NRIP1: variants seen among roughly 807,000 people sequenced by gnomAD.
NRIP1 encodes nuclear receptor-interacting protein 1.
Under a neutral mutation model 75.0 loss-of-function variants are expected in NRIP1, and 28 were observed. That is an observed-to-expected ratio of 0.37 (90% confidence interval 0.28 to 0.51). NRIP1 has a LOEUF of 0.51. Ranked by LOEUF, NRIP1 falls within the 20% of genes least tolerant of loss-of-function variation. NRIP1 has a pLI of 0.92. For missense variants in NRIP1, 1,435 were observed against 1,343.7 expected (o/e 1.07, Z -1.06); for synonymous variants, 526 against 487.6 (o/e 1.08, Z -1.04).
At chr21:15,016,777 C>A (rs1049516232) in intron 2 of NRIP1, among the ~76,000 whole-genome samples, 1 of 151,916 alleles carries the variant, frequency 6.6e-6, no homozygotes, top group East Asian at 1.9e-4. Context: ...CCCAGCTACT[C>A]GGGAGGCTGA....
At chr21:14,986,770 A>G (rs2087416785) in intron 3 of NRIP1, among the ~76,000 whole-genome samples, 1 of 152,220 alleles carries the variant, frequency 6.6e-6, no homozygotes, top group Non-Finnish European at 1.5e-5. Context: ...CTAACGACTT[A>G]AACTAAACTT....
In NRIP1 at chr21:14,964,771, C is replaced by T. The variant is rs1417246534; in HGVS notation, c.3422G>A (p.Gly1141Glu). The change falls in exon 4 of 4, where the codon GGA becomes GAA. Residue 1141 changes from glycine (G) to glutamate (E), a missense_variant. Coordinates refer to ENST00000318948, the MANE Select transcript of NRIP1 (RefSeq NM_003489.4). The part of the protein sequence containing the change: ...NNASRPHSAN[G>E]EVYGLLGSVL... The stretch of plus-strand genomic sequence containing the variant: ...GCTTCCCAGAAGTCCATAAACTTCT[C>T]CATTTGCGCTGTGTGGGCGAGAAGC... The T allele has an allele frequency of 6.3e-7, 1 of 1,591,940 alleles. No individual in the cohort carries two copies. The highest frequency in any genetic ancestry group is 8.5e-7 in the Non-Finnish European group (1 of 1,173,368).
At chr21:15,053,397 G>A (rs867155476) in intron 1 of NRIP1, among the ~76,000 whole-genome samples, 28 of 152,168 alleles carry the variant, frequency 1.8e-4, no homozygotes, top group Non-Finnish European at 2.9e-4. Flanking sequence ...CAACTACCAG[G>A]AACTTTAGTT....
chr21:15,017,615 CAA>C (rs1214145663), intron 2 of NRIP1, among the ~76,000 whole-genome samples: 1 of 152,076 alleles, frequency 6.6e-6, no homozygotes, highest in African/African-American at 2.4e-5. Flanking sequence ...CCCCAAATCA[CAA>C]AGTCAATAAG....
At position 14,967,449 on chromosome 21, in the gene NRIP1, T is replaced by G. The variant is rs1182060876; in HGVS notation, c.744A>C (p.Glu248Asp). ...ARLQAVASMV[E>D]KRASPATSPK... ...GTGAGGTGGCAGGACTAGCCCTTTT[T>G]TCCACCATGCTTGCAACAGCCTGTA... The change falls in exon 4 of 4, where the codon GAA becomes GAC. Residue 248 changes from glutamate (E) to aspartate (D), a missense_variant. Transcript: ENST00000318948. 46 of 1,613,920 alleles carry G rather than the reference T, an allele frequency of 2.9e-5. No individual in the cohort carries two copies. The Admixed American group carries it at 7.5e-4, about 26-fold the overall frequency.
At chr21:14,972,052 GTGGAGAGGCTGCCTCAGGTGACACAGCA>G (rs2086915648) in intron 3 of NRIP1, among the ~76,000 whole-genome samples, 2 of 152,130 alleles carry the variant, frequency 1.3e-5, no homozygotes, top group African/African-American at 4.8e-5. Flanking sequence ...TTGTGGTCAC[GTGGAGAGGCTGCCTCAGGTGACACAGCA>G]GCAACACCTA....
intron 3 of NRIP1, among the ~76,000 whole-genome samples, chr21:14,988,492 T>C (rs2087471495): frequency 8.2e-6 from 1 of 122,320 alleles, no homozygotes; most frequent in South Asian, 2.4e-4. Context: ...ATAGATAGTA[T>C]ATATATATGT....
Position 14,965,662 on chromosome 21 carries a change from A to G in NRIP1, c.2531T>C (p.Met844Thr). 6.2e-7 allele frequency: 1 copy of G among 1,613,352 alleles called. No individual in the cohort carries two copies. Among genetic ancestry groups the G allele is most frequent in the Non-Finnish European group, 8.5e-7 (1 of 1,179,924 alleles). Residue 844 changes from methionine to threonine, a missense_variant, in exon 4 of 4, where the codon ATG becomes ACG. Met to Thr is a moderately conservative substitution (Grantham distance 81, BLOSUM62 -1). Transcript: ENST00000318948. ...DSDRSHRNNEMALLESKNLCM... is the reference protein window; with the variant it reads ...DSDRSHRNNETALLESKNLCM... ...AAGATTCTTTGATTCTAGAAGTGCC[A>G]TTTCATTATTTCTGTGACTCCTGTC... is the stretch of plus-strand genomic sequence containing the variant.
At chr21:14,991,843 T>C (rs1237750021) in intron 3 of NRIP1, among the ~76,000 whole-genome samples, 2 of 152,188 alleles carry the variant, frequency 1.3e-5, no homozygotes, top group African/African-American at 4.8e-5. Flanking sequence ...TGATAAAGAT[T>C]TGTCAAAAGA....
intron 3 of NRIP1, among the ~76,000 whole-genome samples, chr21:15,009,647 C>A (rs573154702): frequency 1.3e-5 from 2 of 152,194 alleles, no homozygotes; most frequent in East Asian, 3.9e-4. Context: ...TAAGCCCAGT[C>A]CAGGAAGCAC....
chr21:14,987,872 T>C (rs2087450312), intron 3 of NRIP1: 1 of 152,208 alleles, frequency 6.6e-6, no homozygotes, highest in South Asian at 2.1e-4. Context: ...GTTGGTTAAT[T>C]ATCCAGTAAA....
intron 3 of NRIP1, among the ~76,000 whole-genome samples, chr21:15,012,211 G>GC (rs2088119676): frequency 6.6e-6 from 1 of 152,078 alleles, no homozygotes; most frequent in African/African-American, 2.4e-5. Flanking sequence ...AAGGCATATT[G>GC]AAAAGACATT....
At chr21:14,975,637 AAAAAAAAGG>A (rs899904165) in intron 3 of NRIP1, among the ~76,000 whole-genome samples, 1 of 145,408 alleles carries the variant, frequency 6.9e-6, no homozygotes, top group African/African-American at 2.7e-5. Context: ...AAAAAAAAAA[AAAAAAAAGG>A]AAGGAAGGAA....
At chr21:15,011,560 A>G (rs1170399797) in intron 3 of NRIP1, among the ~76,000 whole-genome samples, 1 of 152,208 alleles carries the variant, frequency 6.6e-6, no homozygotes, top group Non-Finnish European at 1.5e-5. Context: ...AACTCAAGAC[A>G]TCTATTCTAC....
intron 2 of NRIP1, among the ~76,000 whole-genome samples, chr21:15,023,210 T>C (rs1487302129): frequency 6.6e-6 from 1 of 152,226 alleles, no homozygotes; most frequent in Non-Finnish European, 1.5e-5. Context: ...GGTGAATTTA[T>C]AGTATGTAAA....
chr21:14,969,562 G>A (rs1234647233), intron 3 of NRIP1, among the ~76,000 whole-genome samples: 1 of 152,088 alleles, frequency 6.6e-6, no homozygotes, highest in Non-Finnish European at 1.5e-5. Context: ...AAGGAAGGGG[G>A]GCCATGACAC....
intron 3 of NRIP1, among the ~76,000 whole-genome samples, chr21:14,981,738 C>G (rs1251674894): frequency 1.3e-5 from 2 of 152,042 alleles, no homozygotes; most frequent in African/African-American, 4.8e-5. Flanking sequence ...AAACTAAAAT[C>G]TTTAATGAAA....
chr21:15,031,886 G>A (rs1249250455), intron 2 of NRIP1, among the ~76,000 whole-genome samples: 2 of 151,466 alleles, frequency 1.3e-5, no homozygotes, highest in African/African-American at 4.9e-5. Context: ...CACTCTGGAA[G>A]GTGGTTGGAG....
At chr21:15,018,603 G>A (rs2088292242) in intron 2 of NRIP1, among the ~76,000 whole-genome samples, 1 of 152,092 alleles carries the variant, frequency 6.6e-6, no homozygotes, top group South Asian at 2.1e-4. Context: ...AGGTAGTAAT[G>A]AGCAAGGAAA....
Sources: allele counts gnomAD v4.1 joint callset (sites outside exome capture counted in the v4.1 genomes callset), GRCh38; gene constraint gnomAD v4.1.1; transcripts MANE v1.5; gene names NCBI Gene and HGNC (gene_info 2026-07-23, HGNC 2026-07-21).